Variants in M1AP observed in about 807,000 individuals in gnomAD.
The protein encoded by M1AP is meiosis 1 arrest protein.
A neutral mutation model predicts 51.2 loss-of-function variants in M1AP; 39 were observed. The ratio of observed to expected loss-of-function variants is 0.76; its 90% CI spans 0.59 to 1.00. M1AP has a LOEUF of 1.00. Ranked by LOEUF, M1AP falls within the 50% of genes least tolerant of loss-of-function variation. The probability of loss-of-function intolerance (pLI) is 0.00; values close to 1 mark genes in which losing one functional copy is unlikely to be tolerated. For missense variants in M1AP, 545 were observed against 641.2 expected (o/e 0.85, Z 1.62); for synonymous variants, 251 against 249.2 (o/e 1.01, Z -0.07).
intron 4 of M1AP, among the ~76,000 whole-genome samples, chr2:74,582,267 T>C (rs539134845): frequency 1.3e-4 from 20 of 152,236 alleles, no homozygotes; most frequent in Non-Finnish European, 2.5e-4. Context: ...TTTTGATCCA[T>C]TGACTGTATC....
intron 2 of M1AP, among the ~76,000 whole-genome samples, chr2:74,626,003 C>T (rs1318446731): frequency 6.6e-6 from 1 of 152,216 alleles, no homozygotes; most frequent in Non-Finnish European, 1.5e-5. Context: ...TCACCTATCA[C>T]TGGAGAGTAG....
At chr2:74,624,172 A>G (rs916916312) in intron 2 of M1AP, among the ~76,000 whole-genome samples, 19 of 152,376 alleles carry the variant, frequency 1.2e-4, no homozygotes, top group African/African-American at 4.6e-4. Flanking sequence ...ATAAGCCAGC[A>G]TTAAAGTAAA....
chr2:74,635,485 G>C (rs1448315393), intron 2 of M1AP, among the ~76,000 whole-genome samples: 1 of 151,354 alleles, frequency 6.6e-6, no homozygotes, highest in African/African-American at 2.4e-5. Flanking sequence ...ACTTATTTTT[G>C]CTCTTCATTA....
At chr2:74,597,745 G>C (rs1680425695) in intron 4 of M1AP, among the ~76,000 whole-genome samples, 1 of 152,194 alleles carries the variant, frequency 6.6e-6, no homozygotes, top group Admixed American at 6.5e-5. Flanking sequence ...GTAATTGGCT[G>C]AATGACTTAC....
At chr2:74,590,648 G>A (rs1679987573) in intron 4 of M1AP, among the ~76,000 whole-genome samples, 1 of 152,178 alleles carries the variant, frequency 6.6e-6, no homozygotes, top group Non-Finnish European at 1.5e-5. Context: ...TAAGAGGGCA[G>A]AAGTGGGGAC....
intron 7 of M1AP, among the ~76,000 whole-genome samples, chr2:74,566,633 A>C (rs1573064597): frequency 6.6e-6 from 1 of 151,894 alleles, no homozygotes; most frequent in Non-Finnish European, 1.5e-5. Context: ...CTGTTCTAGC[A>C]CCTGTCTATC....
At chr2:74,575,667 C>G in intron 6 of M1AP, 88 bp from the exon 7 acceptor site, 1 of 1,033,238 alleles carries the variant, frequency 9.7e-7, no homozygotes, top group Admixed American at 2.1e-5. Flanking sequence ...AACTCTAAGA[C>G]AGTACTGTGA....
At chr2:74,573,110 G>A (rs1440501894) in intron 7 of M1AP, among the ~76,000 whole-genome samples, 1 of 152,014 alleles carries the variant, frequency 6.6e-6, no homozygotes, top group Non-Finnish European at 1.5e-5. Context: ...GCAGTGGCAC[G>A]ATTTCGGCTC....
intron 1 of M1AP, chr2:74,647,406 T>C: frequency 1.2e-5 from 12 of 985,378 alleles, no homozygotes; most frequent in Non-Finnish European, 1.4e-5. Flanking sequence ...TGGTTCTCCC[T>C]CTGGCAGGGC....
At position 74,644,197 on chromosome 2, in the gene M1AP, T is replaced by C. The variant is rs547483740; in HGVS notation, c.-52-3870A>G. Among the ~76,000 whole-genome samples the C allele has an allele frequency of 5.3e-5, 8 of 152,314 alleles. No homozygotes were observed. In the South Asian group the frequency reaches 1.2e-3, roughly 24 times the overall value. The stretch of plus-strand genomic sequence containing the variant: ...TGTGACAATACAAAGATAATTATGA[T>C]AATTTTCAGAAACACTTTGGAATTT... On this transcript the variant is annotated intron_variant, in intron 1 of 10. Coordinates refer to ENST00000421985, the MANE Select transcript of M1AP (RefSeq NM_001321739.2).
chr2:74,614,786 T>G (rs1467349037), intron 3 of M1AP, among the ~76,000 whole-genome samples, 178 bp downstream of exon 3: 1 of 152,224 alleles, frequency 6.6e-6, no homozygotes, highest in Non-Finnish European at 1.5e-5. Context: ...CATTAAGAAC[T>G]GTACAGGTTA....
chr2:74,585,738 T>C lies in M1AP; in HGVS notation c.596-3891A>G, dbSNP rs363682. ...GGGGGCAGACTTACATTATCCAAAC[T>C]AGAGACTTATGTGTAAACCAGAACA... On this transcript the variant is annotated intron_variant, in intron 4 of 10. Coordinates refer to ENST00000421985, the MANE Select transcript of M1AP (RefSeq NM_001321739.2). Among the ~76,000 whole-genome samples the C allele has an allele frequency of 0.024, 3,686 of 152,302 alleles. 405 individuals carry two copies. In the East Asian group the frequency reaches 0.32, roughly 13 times the overall value.
intron 1 of M1AP, 113 bp from the exon 2 acceptor site, chr2:74,640,440 C>A: frequency 4.8e-6 from 4 of 838,496 alleles, no homozygotes; most frequent in Non-Finnish European, 7.2e-6. Flanking sequence ...AGATTGGGTA[C>A]TAAAGCTTGT....
At chr2:74,575,129 T>C in intron 7 of M1AP, 1 of 187,486 alleles carries the variant, frequency 5.3e-6, no homozygotes. Flanking sequence ...CTATCAGTGT[T>C]AGGAAGGAAG....
At chr2:74,630,485 TC>T in intron 2 of M1AP, among the ~76,000 whole-genome samples, 1 of 152,232 alleles carries the variant, frequency 6.6e-6, no homozygotes, top group East Asian at 1.9e-4. Context: ...CTCTCCCTCC[TC>T]CCGCCTCCTC....
chr2:74,564,679 T>C (rs374231858), intron 7 of M1AP, among the ~76,000 whole-genome samples: 9 of 152,222 alleles, frequency 5.9e-5, no homozygotes, highest in East Asian at 3.9e-4. Flanking sequence ...AAATCCATCA[T>C]GTTGGAAATA....
At chr2:74,559,759 C>T (rs1480289628) in intron 9 of M1AP, 50 bp from the exon 10 acceptor site, 1 of 717,340 alleles carries the variant, frequency 1.4e-6, no homozygotes, top group South Asian at 1.5e-5. Context: ...TATCATAAAA[C>T]CTGGCAAATG....
In M1AP at chr2:74,611,658, C is replaced by T. The variant is rs566127361; in HGVS notation, c.426+3306G>A. ...GACCAGCCTGACCAACATGGAGAAA[C>T]GCCATCTCTACTAAAAATACAAAAT... On this transcript the variant is annotated intron_variant, in intron 3 of 10. Coordinates refer to ENST00000421985, the MANE Select transcript of M1AP (RefSeq NM_001321739.2). 1.4e-3 allele frequency among the ~76,000 whole-genome samples: 211 copies of T among 151,750 alleles called. 2 individuals carry two copies. The highest frequency in any genetic ancestry group is 4.5e-3 in the African/African-American group (187 of 41,406).
intron 2 of M1AP, among the ~76,000 whole-genome samples, chr2:74,630,489 GCCT>G (rs1573179648): frequency 6.6e-6 from 1 of 152,104 alleles, no homozygotes; most frequent in Non-Finnish European, 1.5e-5. Flanking sequence ...CCCTCCTCCC[GCCT>G]CCTCAACGGG....
Sources: gnomAD v4.1 joint callset for allele counts (sites outside exome capture counted in the v4.1 genomes callset) on GRCh38, gnomAD v4.1.1 for gene constraint, MANE v1.5 for transcripts, NCBI Gene and HGNC (gene_info 2026-07-23, HGNC 2026-07-21) for gene names.